Variants in LRRTM4 observed in about 807,000 individuals in gnomAD.
LRRTM4 encodes leucine rich repeat transmembrane neuronal 4, also known as leucine-rich repeat transmembrane neuronal protein 4.
Under a neutral mutation model 47.6 loss-of-function variants are expected in LRRTM4, and 25 were observed. The observed-to-expected ratio is 0.53, with a 90% CI of 0.38 to 0.73. The LOEUF is 0.73. Ranked by LOEUF, LRRTM4 falls within the 30% of genes least tolerant of loss-of-function variation. LRRTM4 has a pLI of 0.00. For missense variants in LRRTM4, 638 were observed against 713.4 expected (o/e 0.89, Z 1.20); for synonymous variants, 311 against 269.5 (o/e 1.15, Z -1.51).
Position 77,386,518 on chromosome 2 carries a change from G to A in LRRTM4, c.1551+131800C>T, listed in dbSNP as rs535489734. On this transcript the variant is annotated intron_variant, in intron 3 of 3. Coordinates refer to ENST00000409884, the MANE Select transcript of LRRTM4 (RefSeq NM_001134745.3). Reference sequence around the variant, plus strand: ...CACGTTTTCTTTATCCAGAAAATAGGCATTTGGGTTGGCTTTAAGTCTTTG... The same window carrying A: ...CACGTTTTCTTTATCCAGAAAATAGACATTTGGGTTGGCTTTAAGTCTTTG... Among the ~76,000 whole-genome samples the A allele has an allele frequency of 8.5e-5, 13 of 152,248 alleles. No individual in the cohort carries two copies. The South Asian group carries it at 1.9e-3, about 22-fold the overall frequency.
intron 3 of LRRTM4, among the ~76,000 whole-genome samples, chr2:76,956,936 G>A (rs1238950914): frequency 6.6e-6 from 1 of 151,270 alleles, no homozygotes. Context: ...AGTTGAATAA[G>A]TGATCAAAAA....
At chr2:76,822,170 C>T (rs4853278) in intron 3 of LRRTM4, among the ~76,000 whole-genome samples, 38,266 of 151,128 alleles carry the variant, frequency 0.25, 5,276 homozygotes, top group East Asian at 0.4. Flanking sequence ...TTGAACAGCA[C>T]GTGCCTTGTG....
intron 3 of LRRTM4, among the ~76,000 whole-genome samples, chr2:77,059,269 A>C (rs1338196764): frequency 6.6e-6 from 1 of 152,168 alleles, no homozygotes; most frequent in African/African-American, 2.4e-5. Context: ...AAATATATTG[A>C]GATTTGGAAG....
intron 3 of LRRTM4, among the ~76,000 whole-genome samples, chr2:77,082,832 T>C (rs969400463): frequency 6.6e-6 from 1 of 152,144 alleles, no homozygotes; most frequent in African/African-American, 2.4e-5. Context: ...ACATCTGCCT[T>C]GTTTTAAACA....
chr2:77,514,636 T>C (rs1679142186), intron 3 of LRRTM4, among the ~76,000 whole-genome samples: 1 of 152,058 alleles, frequency 6.6e-6, no homozygotes, highest in African/African-American at 2.4e-5. Context: ...AAACTTTATA[T>C]TTCAATTACT....
chr2:77,500,542 CTG>C (rs1291578756), intron 3 of LRRTM4, among the ~76,000 whole-genome samples: 2 of 151,354 alleles, frequency 1.3e-5, no homozygotes, highest in African/African-American at 4.8e-5. Flanking sequence ...ATAAAATAAT[CTG>C]TAATATATTT....
At chr2:77,409,404 G>A (rs959113141) in intron 3 of LRRTM4, among the ~76,000 whole-genome samples, 2 of 152,144 alleles carry the variant, frequency 1.3e-5, no homozygotes, top group Non-Finnish European at 2.9e-5. Context: ...AGAAGGACAA[G>A]CTAGGTGAAC....
At chr2:77,341,457 A>T (rs1278696745) in intron 3 of LRRTM4, among the ~76,000 whole-genome samples, 1 of 151,982 alleles carries the variant, frequency 6.6e-6, no homozygotes, top group East Asian at 1.9e-4. Context: ...TTTCCTTACC[A>T]TATCCCACAT....
intron 3 of LRRTM4, among the ~76,000 whole-genome samples, chr2:76,951,424 C>G (rs1018668416): frequency 2.0e-5 from 3 of 151,970 alleles, no homozygotes; most frequent in African/African-American, 7.2e-5. Flanking sequence ...AGAGTTTCAA[C>G]TCTACTCTTC....
At chr2:76,922,151 C>A (rs1244738969) in intron 3 of LRRTM4, among the ~76,000 whole-genome samples, 2 of 152,032 alleles carry the variant, frequency 1.3e-5, no homozygotes, top group African/African-American at 4.8e-5. Context: ...TGCAAAAAGT[C>A]AAATAATGTA....
intron 3 of LRRTM4, among the ~76,000 whole-genome samples, chr2:77,116,424 A>G (rs907865239): frequency 1.3e-5 from 2 of 152,150 alleles, no homozygotes; most frequent in African/African-American, 2.4e-5. Context: ...AAAGAACCCA[A>G]TGATTTATTG....
intron 3 of LRRTM4, among the ~76,000 whole-genome samples, chr2:77,054,929 C>G (rs563543119): frequency 6.6e-6 from 1 of 152,306 alleles, no homozygotes; most frequent in South Asian, 2.1e-4. Flanking sequence ...CATTTGCAAC[C>G]TTTTCCCCAA....
chr2:76,987,859 C>G (rs185597189), intron 3 of LRRTM4, among the ~76,000 whole-genome samples: 9 of 151,442 alleles, frequency 5.9e-5, no homozygotes, highest in African/African-American at 2.2e-4. Context: ...ACTAAAAGGG[C>G]CAGGAAATAT....
At chr2:77,252,792 T>C (rs2104018183) in intron 3 of LRRTM4, among the ~76,000 whole-genome samples, 1 of 152,170 alleles carries the variant, frequency 6.6e-6, no homozygotes, top group South Asian at 2.1e-4. Context: ...GGGGAGGAAA[T>C]GACATGGAGT....
At chr2:76,758,809 C>T (rs775152555) in intron 3 of LRRTM4, among the ~76,000 whole-genome samples, 3 of 152,168 alleles carry the variant, frequency 2.0e-5, no homozygotes, top group Admixed American at 6.5e-5. Context: ...GGTTGGCAAA[C>T]GTTTTCTATA....
chr2:77,378,731 C>T (rs1021725721), intron 3 of LRRTM4, among the ~76,000 whole-genome samples: 1 of 152,092 alleles, frequency 6.6e-6, no homozygotes, highest in Non-Finnish European at 1.5e-5. Context: ...GTGCCCATGG[C>T]TAGATATGTA....
chr2:76,943,358 C>T (rs1268948747), intron 3 of LRRTM4, among the ~76,000 whole-genome samples: 2 of 152,148 alleles, frequency 1.3e-5, no homozygotes. Flanking sequence ...ATAGCGTGAA[C>T]CCGGGAGGCA....
chr2:77,045,029 G>A (rs1041014614), intron 3 of LRRTM4, among the ~76,000 whole-genome samples: 1 of 151,682 alleles, frequency 6.6e-6, no homozygotes, highest in Non-Finnish European at 1.5e-5. Flanking sequence ...TACTATGTGA[G>A]GTACCTGCCT....
intron 3 of LRRTM4, among the ~76,000 whole-genome samples, chr2:77,468,375 C>T (rs1223846755): frequency 6.6e-6 from 1 of 152,186 alleles, no homozygotes; most frequent in Non-Finnish European, 1.5e-5. Flanking sequence ...TTTTATAGAA[C>T]ATCATACACA....
Sources: allele counts gnomAD v4.1 joint callset (sites outside exome capture counted in the v4.1 genomes callset), GRCh38; gene constraint gnomAD v4.1.1; transcripts MANE v1.5; gene names NCBI Gene and HGNC (gene_info 2026-07-23, HGNC 2026-07-21).